Variants in ERICH6 observed in about 807,000 individuals in gnomAD.
The protein encoded by ERICH6 is glutamate-rich protein 6.
ERICH6 carries 71 observed loss-of-function variants against 71.0 expected under a neutral mutation model. That is an observed-to-expected ratio of 1.00 (90% CI 0.83 to 1.22). ERICH6 has a LOEUF of 1.22. Among genes scored for constraint, ERICH6 ranks in the 50% most tolerant of loss-of-function variants. The probability of loss-of-function intolerance (pLI) is 0.00; values close to 1 mark genes in which losing one functional copy is unlikely to be tolerated. For missense variants in ERICH6, 808 were observed against 797.2 expected (o/e 1.01, Z -0.16); for synonymous variants, 262 against 278.4 (o/e 0.94, Z 0.59).
intron 10 of ERICH6, among the ~76,000 whole-genome samples, chr3:150,675,037 G>T (rs1352070694): frequency 6.6e-6 from 1 of 152,120 alleles, no homozygotes; most frequent in African/African-American, 2.4e-5. Context: ...GGAGGCTGAG[G>T]CAAGTGAATT....
At chr3:150,680,443 A>G (rs770370450) in intron 9 of ERICH6, 25 bp downstream of exon 9, 18 of 1,602,190 alleles carry the variant, frequency 1.1e-5, no homozygotes, top group East Asian at 2.2e-5. Flanking sequence ...CAGCTGGTCT[A>G]TAAGATCAGC....
At chr3:150,670,844 G>A (rs1711499316) in intron 11 of ERICH6, among the ~76,000 whole-genome samples, 1 of 152,186 alleles carries the variant, frequency 6.6e-6, no homozygotes, top group African/African-American at 2.4e-5. Flanking sequence ...AGGCTGGTTA[G>A]AAGTCCAGAA....
In ERICH6 at chr3:150,702,338, G is replaced by A. The variant is rs539770445; in HGVS notation, c.404-160C>T. Among the ~76,000 whole-genome samples, 108 of 144,062 alleles carry A rather than the reference G, an allele frequency of 7.5e-4. 2 individuals carry two copies. The South Asian group carries it at 0.023, about 31-fold the overall frequency. The allele number at this position is 144,062 out of a possible 152,430, so 94.5% of individuals were successfully genotyped here. A position where few individuals can be genotyped will look rare whatever the true frequency, so the allele number is the denominator to read the frequency against. Reference sequence around the variant, plus strand: ...GTCGCCTAGGCTGGAGTGCAATGGCGCGATCTTGGCTCACTGCAAGCTCCA... The same window carrying A: ...GTCGCCTAGGCTGGAGTGCAATGGCACGATCTTGGCTCACTGCAAGCTCCA... On this transcript the variant is annotated intron_variant, in intron 1 of 13. Transcript: ENST00000295910.
intron 3 of ERICH6, among the ~76,000 whole-genome samples, chr3:150,688,774 A>C (rs1424991447): frequency 6.6e-6 from 1 of 152,146 alleles, no homozygotes; most frequent in African/African-American, 2.4e-5. Flanking sequence ...CCCGCCTTTG[A>C]GTTGTCCCGC....
intron 13 of ERICH6, 97 bp from the exon 14 acceptor site, chr3:150,660,252 TC>T (rs1727163529): frequency 9.4e-6 from 13 of 1,387,384 alleles, no homozygotes; most frequent in Non-Finnish European, 2.0e-6. Context: ...GGGGTTGGAT[TC>T]CCTGATGAGG....
In ERICH6 at chr3:150,678,457, G is replaced by C. The variant is rs762527505; in HGVS notation, c.1209C>G (p.Asn403Lys). Residue 403 changes from asparagine (N) to lysine (K), a missense_variant, in exon 10 of 14, where the codon AAC (asparagine) becomes AAG (lysine). Transcript: ENST00000295910. Reference protein sequence around the residue: ...DDIVFDFQLRNSNMSIICCDS... With the variant: ...DDIVFDFQLRKSNMSIICCDS... ...CACAACAAATGATAGACATGTTACT[G>C]TTTCTTAGTTGAAAATCAAATACAA... 5 of 1,602,814 alleles carry C rather than the reference G, an allele frequency of 3.1e-6. No homozygotes were observed. The highest frequency in any genetic ancestry group is 2.3e-5 in the East Asian group (1 of 44,276).
intron 12 of ERICH6, 109 bp downstream of exon 12, chr3:150,669,187 C>G: frequency 1.6e-6 from 2 of 1,229,054 alleles, no homozygotes; most frequent in Non-Finnish European, 2.2e-6. Flanking sequence ...CTAAAGAACA[C>G]TAACTTAAAT....
chr3:150,681,769 C>T (rs968388851), intron 7 of ERICH6, among the ~76,000 whole-genome samples: 6 of 142,064 alleles, frequency 4.2e-5, no homozygotes, highest in Non-Finnish European at 9.1e-5. Flanking sequence ...TCCCACTGTG[C>T]TTGTGATTTG....
At chr3:150,690,663 T>C (rs1420381105) in intron 3 of ERICH6, among the ~76,000 whole-genome samples, 1 of 152,226 alleles carries the variant, frequency 6.6e-6, no homozygotes, top group Non-Finnish European at 1.5e-5. Flanking sequence ...TTTTCAGTTA[T>C]TGGTAAAGTA....
At chr3:150,679,330 C>T (rs916281912) in intron 9 of ERICH6, among the ~76,000 whole-genome samples, 17 of 152,030 alleles carry the variant, frequency 1.1e-4, no homozygotes, top group Admixed American at 6.6e-5. Context: ...CACTTACTAC[C>T]TGAGCAGTGA....
chr3:150,695,538 C>T (rs1712623507), intron 3 of ERICH6, among the ~76,000 whole-genome samples: 1 of 151,726 alleles, frequency 6.6e-6, no homozygotes, highest in African/African-American at 2.4e-5. Context: ...CATGGTGGCT[C>T]ATGCCTGTAA....
At chr3:150,667,297 G>C (rs1306717461) in intron 12 of ERICH6, among the ~76,000 whole-genome samples, 1 of 152,002 alleles carries the variant, frequency 6.6e-6, no homozygotes, top group East Asian at 2.0e-4. Context: ...AGCAGGGAAG[G>C]CTTAGTCTGG....
At chr3:150,700,240 A>T (rs865898552) in intron 2 of ERICH6, among the ~76,000 whole-genome samples, 6 of 119,078 alleles carry the variant, frequency 5.0e-5, no homozygotes, top group African/African-American at 2.3e-4. Flanking sequence ...ATGCCCGGCT[A>T]ATTTTTTTTT....
intron 3 of ERICH6, among the ~76,000 whole-genome samples, chr3:150,690,129 C>T (rs547604853): frequency 1.3e-4 from 20 of 152,164 alleles, no homozygotes; most frequent in East Asian, 3.8e-4. Context: ...CAGAGCTCAG[C>T]GATCCAGTTA....
chr3:150,668,385 T>A (rs1727492837), intron 12 of ERICH6, among the ~76,000 whole-genome samples: 1 of 152,124 alleles, frequency 6.6e-6, no homozygotes, highest in Non-Finnish European at 1.5e-5. Context: ...GGCAGGGGCT[T>A]CATAAAACCA....
At chr3:150,703,468 C>A (rs376259990) in intron 1 of ERICH6, 28 bp downstream of exon 1, 2 of 1,539,110 alleles carry the variant, frequency 1.3e-6, no homozygotes, top group African/African-American at 2.7e-5. Context: ...GAGAAACCCT[C>A]GAGGAAGGGG....
chr3:150,698,675 G>C (rs992543152), intron 3 of ERICH6, 116 bp downstream of exon 3: 6 of 773,658 alleles, frequency 7.8e-6, no homozygotes, highest in Non-Finnish European at 1.3e-5. Flanking sequence ...AACATCACAA[G>C]GTTAGTATGT....
rs775400115 is a variant in ERICH6, at chr3:150,680,461, A to G, written c.1111+7T>C. 8.1e-6 allele frequency: 13 copies of G among 1,613,912 alleles called. No individual in the cohort carries two copies. The highest frequency in any genetic ancestry group is 1.1e-5 in the Non-Finnish European group (13 of 1,179,776). The stretch of plus-strand genomic sequence containing the variant: ...CTGGTCTATAAGATCAGCACTAATG[A>G]ACTCACCATCTTCAGAGAAATGAGT... On this transcript the variant is annotated splice_region_variant and intron_variant, in intron 9 of 13. Transcript: ENST00000295910.
chr3:150,672,796 G>T (rs758418037), intron 11 of ERICH6, among the ~76,000 whole-genome samples: 4 of 151,804 alleles, frequency 2.6e-5, no homozygotes, highest in Non-Finnish European at 5.9e-5. Context: ...AGACTGGGGT[G>T]GGAGGATCGC....
Sources: gnomAD v4.1 joint callset for allele counts (sites outside exome capture counted in the v4.1 genomes callset) on GRCh38, gnomAD v4.1.1 for gene constraint, MANE v1.5 for transcripts, NCBI Gene and HGNC (gene_info 2026-07-23, HGNC 2026-07-21) for gene names.